The following ZNF28 variants were observed in gnomAD, a reference collection of about 807,000 sequenced individuals.
ZNF28 encodes zinc finger protein KOX24.
Under a neutral mutation model 7.2 loss-of-function variants are expected in ZNF28, and 5 were observed. The observed-to-expected ratio is 0.70, with a 90% CI of 0.36 to 1.46. ZNF28 has a LOEUF of 1.46. Ranked by LOEUF, ZNF28 falls within the 40% of genes most tolerant of loss-of-function variation. The probability of loss-of-function intolerance (pLI) is 0.03; values close to 1 mark genes in which losing one functional copy is unlikely to be tolerated. For missense variants in ZNF28, 879 were observed against 866.6 expected, an observed-to-expected ratio of 1.01 and a Z score of -0.18; for synonymous variants, 288 against 292.4, an observed-to-expected ratio of 0.99 and a Z score of 0.15.
chr19:52,801,711 T>C lies in ZNF28; in HGVS notation c.143-9A>G. On this transcript the variant is annotated splice_polypyrimidine_tract_variant and intron_variant, in intron 3 of 3. Transcript: ENST00000457749. ...GCATTTGGAAGAGATATCTACAAAA[T>C]ATAAACACCAATAGGTTTCCAATGA... is the stretch of plus-strand genomic sequence containing the variant. 3 of 1,608,004 alleles carry C rather than the reference T, an allele frequency of 1.9e-6. No homozygotes were observed. Among genetic ancestry groups the C allele is most frequent in the Non-Finnish European group, 2.5e-6 (3 of 1,176,988 alleles).
intron 3 of ZNF28, among the ~76,000 whole-genome samples, chr19:52,807,095 G>A (rs2869856): frequency 0.78 from 118,546 of 151,658 alleles, 47,255 homozygotes; most frequent in Non-Finnish European, 0.87. Context: ...ACCTGCGTTT[G>A]CACCTGTAAT....
chr19:52,806,095 CAT>C (rs2062933868), intron 3 of ZNF28: 2 of 152,120 alleles, frequency 1.3e-5, no homozygotes, highest in Non-Finnish European at 2.9e-5. Flanking sequence ...AAACACTGTA[CAT>C]ATATGTTAAC....
chr19:52,799,225 G>A lies in ZNF28; in HGVS notation c.*463C>T, dbSNP rs1464063860. On this transcript the variant is annotated 3_prime_UTR_variant, in exon 4 of 4. Transcript: ENST00000457749. ...ATACGAATTGCCTTTTGAATTACAA[G>A]GTATGAATTTTGACCAAAGGTGTTG... The A allele has an allele frequency of 7.5e-6, 3 of 398,002 alleles. No homozygotes were observed. The highest frequency in any genetic ancestry group is 1.2e-4 in the East Asian group (2 of 16,488). 24.7% of individuals were successfully genotyped at this position (398,002 alleles called of 1,614,324 possible). A position where few individuals can be genotyped will look rare whatever the true frequency, so the allele number is the denominator to read the frequency against.
intron 2 of ZNF28, chr19:52,810,614 C>T: frequency 6.8e-7 from 1 of 1,472,636 alleles, no homozygotes; most frequent in Admixed American, 1.7e-5. Flanking sequence ...TACAGCAGTT[C>T]CTGCTCTCCA....
chr19:52,819,359 T>C (rs2063166543), intron 1 of ZNF28, among the ~76,000 whole-genome samples: 1 of 145,402 alleles, frequency 6.9e-6, no homozygotes, highest in Non-Finnish European at 1.5e-5. Flanking sequence ...AGATGGTCTC[T>C]CTTTCTGAGT....
intron 3 of ZNF28, chr19:52,805,493 G>A (rs933427951): frequency 6.6e-6 from 1 of 151,646 alleles, no homozygotes; most frequent in African/African-American, 2.4e-5. Context: ...TGGGTGTAGT[G>A]GTGCACACTT....
rs778199325 is a variant in ZNF28 at position 52,800,523 on chromosome 19, C to T, written c.1322G>A (p.Cys441Tyr). The T allele has an allele frequency of 1.9e-6, 3 of 1,613,632 alleles. No individual in the cohort carries two copies. Among genetic ancestry groups the T allele is most frequent in the South Asian group, 1.1e-5 (1 of 91,024 alleles). Residue 441 changes from cysteine (C) to tyrosine (Y), a missense_variant, in exon 4 of 4, where the codon TGT (cysteine) becomes TAT (tyrosine). Coordinates refer to ENST00000457749, the MANE Select transcript of ZNF28 (RefSeq NM_006969.5). ...ATTAAAAACCTTGCCACATTCATTA[C>T]ACTTGTAAGGCTTCTCTCCAGTGTG... ...IIHTGEKPYK[C>Y]NECGKVFNQQ...
At chr19:52,821,405 T>A (rs2063196752) in intron 1 of ZNF28, among the ~76,000 whole-genome samples, 181 bp downstream of exon 1, 1 of 152,020 alleles carries the variant, frequency 6.6e-6, no homozygotes, top group Admixed American at 6.6e-5. Context: ...GGGACCAGCC[T>A]CAGGGCGACT....
At position 52,801,627 on chromosome 19, in the gene ZNF28, G is replaced by A. The variant is rs1017766407; in HGVS notation, c.218C>T (p.Thr73Ile). 1 of 1,614,084 alleles carries A rather than the reference G, an allele frequency of 6.2e-7. No individual in the cohort carries two copies. The highest frequency in any genetic ancestry group is 8.5e-7 in the Non-Finnish European group (1 of 1,179,986). ...QGNTEAFHTG[T>I]LQRQASHHIG... ...GTGATGACTTGCTTGTCTTTGCAATGTCCCTGTGTGGAACGCTTCTGTATT... is the reference window on the plus strand; with the variant it reads ...GTGATGACTTGCTTGTCTTTGCAATATCCCTGTGTGGAACGCTTCTGTATT... The change falls in exon 4 of 4, where the codon ACA (threonine) becomes ATA (isoleucine). Residue 73 changes from threonine to isoleucine, a missense_variant. Around this residue, in one of 2 missense-constraint regions of ZNF28, gnomAD observed 864 missense variants for 830.2 expected, o/e 1.04. Transcript: ENST00000457749.
chr19:52,803,997 C>T (rs1309830282), intron 3 of ZNF28, among the ~76,000 whole-genome samples: 1 of 152,144 alleles, frequency 6.6e-6, no homozygotes, highest in African/African-American at 2.4e-5. Context: ...CTCAAATAAG[C>T]TTTGGTAGAT....
At position 52,819,594 on chromosome 19, in the gene ZNF28, C is replaced by G. The variant is rs555468457; in HGVS notation, c.-73-1563G>C. On this transcript the variant is annotated intron_variant, in intron 1 of 3. Transcript: ENST00000457749. ...AAGTTGCAGGGGAGGCTCACTGGGG[C>G]TCAGAGCTGGAAACATTTTCACGAA... 4.5e-5 allele frequency among the ~76,000 whole-genome samples: 4 copies of G among 88,892 alleles called. No individual in the cohort carries two copies. In the East Asian group the frequency reaches 8.4e-4, roughly 19 times the overall value. 58.3% of individuals were successfully genotyped at this position (88,892 alleles called of 152,430 possible). A position where few individuals can be genotyped will look rare whatever the true frequency, so the allele number is the denominator to read the frequency against.
At chr19:52,809,874 G>C in intron 2 of ZNF28, 1 of 690,770 alleles carries the variant, frequency 1.4e-6, no homozygotes, top group Admixed American at 2.5e-5. Flanking sequence ...GCCTGCGGGC[G>C]GTCCGGGATC....
chr19:52,818,937 G>T (rs1378776984), intron 1 of ZNF28, among the ~76,000 whole-genome samples: 1 of 137,290 alleles, frequency 7.3e-6, no homozygotes, highest in Non-Finnish European at 1.5e-5. Flanking sequence ...ACAGAGATAA[G>T]AAGACTTGAG....
Position 52,799,216 on chromosome 19 carries a change from G to C in ZNF28, c.*472C>G, listed in dbSNP as rs752505634. ...TTCTCTCCAATACGAATTGCCTTTT[G>C]AATTACAAGGTATGAATTTTGACCA... On this transcript the variant is annotated 3_prime_UTR_variant, in exon 4 of 4. Transcript: ENST00000457749. 2.0e-5 allele frequency: 8 copies of C among 392,302 alleles called. No individual in the cohort carries two copies. Among genetic ancestry groups the C allele is most frequent in the Non-Finnish European group, 3.5e-5 (7 of 201,760 alleles). The allele number at this position is 392,302 out of a possible 1,614,324, so 24.3% of individuals were successfully genotyped here.
In ZNF28 at chr19:52,819,195, C is replaced by CA. The variant is rs936694861; in HGVS notation, c.-73-1165dup. 3.5e-4 allele frequency among the ~76,000 whole-genome samples: 48 copies of CA among 136,582 alleles called. 6 individuals are homozygous for CA. The highest frequency in any genetic ancestry group is 1.2e-3 in the African/African-American group (43 of 34,700). The allele number at this position is 136,582 out of a possible 152,430, so 89.6% of individuals were successfully genotyped here. Reference sequence around the variant, plus strand: ...CTCCCAGGAGGAGGCTGGACACTGGCAGGGACCCTGAACACAGGGCTGTGG... The same window carrying CA: ...CTCCCAGGAGGAGGCTGGACACTGGCAAGGGACCCTGAACACAGGGCTGTGG... On this transcript the variant is annotated intron_variant, in intron 1 of 3. Coordinates refer to ENST00000457749, the MANE Select transcript of ZNF28 (RefSeq NM_006969.5).
At position 52,818,510 on chromosome 19, in the gene ZNF28, C is replaced by T. The variant is rs140640072; in HGVS notation, c.-73-479G>A. Among the ~76,000 whole-genome samples the T allele has an allele frequency of 8.3e-3, 1,263 of 152,054 alleles. 8 individuals are homozygous for T. The highest frequency in any genetic ancestry group is 0.017 in the South Asian group (82 of 4,806). ...GGTGGATTACTTGAGGTCAGGAGTT[C>T]AAGAGCAGCCTGGCCAACATGGTGA... On this transcript the variant is annotated intron_variant, in intron 1 of 3. Transcript: ENST00000457749.
intron 1 of ZNF28, among the ~76,000 whole-genome samples, 199 bp downstream of exon 1, chr19:52,821,387 C>G (rs1163616837): frequency 6.6e-6 from 1 of 152,100 alleles, no homozygotes; most frequent in African/African-American, 2.4e-5. Flanking sequence ...AGCAGAAAGA[C>G]CCGGGACGGG....
At chr19:52,804,535 T>C (rs921646551) in intron 3 of ZNF28, among the ~76,000 whole-genome samples, 3 of 152,166 alleles carry the variant, frequency 2.0e-5, no homozygotes, top group African/African-American at 7.2e-5. Context: ...CATACACAGC[T>C]AATTTTTGCA....
intron 2 of ZNF28, chr19:52,809,862 G>A (rs1025836465): frequency 3.1e-6 from 2 of 652,434 alleles, no homozygotes; most frequent in African/African-American, 1.8e-5. Flanking sequence ...CAGTAGCACT[G>A]GGCCTGCGGG....
Sources: allele counts gnomAD v4.1 joint callset (sites outside exome capture counted in the v4.1 genomes callset), GRCh38; gene constraint gnomAD v4.1.1; regional missense constraint gnomAD v4.1.1; transcripts MANE v1.5; gene names NCBI Gene and HGNC (gene_info 2026-07-23, HGNC 2026-07-21).